Variants in COL26A1 observed in about 807,000 individuals in gnomAD.
COL26A1 encodes the protein collagen type XXVI alpha 1 chain.
Under a neutral mutation model 59.3 loss-of-function variants are expected in COL26A1, and 41 were observed. That is an observed-to-expected ratio of 0.69 (90% CI 0.54 to 0.90). The LOEUF is 0.90. COL26A1 is among the 40% of genes least tolerant of loss of function. COL26A1 has a pLI of 0.00. For synonymous variants in COL26A1, 266 were observed against 256.0 expected, an observed-to-expected ratio of 1.04 and a Z score of -0.37; for missense variants, 612 against 602.3, an observed-to-expected ratio of 1.02 and a Z score of -0.17.
At chr7:101,505,430 A>G (rs573828195) in intron 3 of COL26A1, among the ~76,000 whole-genome samples, 1 of 151,488 alleles carries the variant, frequency 6.6e-6, no homozygotes, top group South Asian at 2.1e-4. Context: ...TTGTGTGTAC[A>G]TGAGTATGTG....
chr7:101,483,119 G>A (rs2130497693), intron 3 of COL26A1, among the ~76,000 whole-genome samples: 1 of 152,202 alleles, frequency 6.6e-6, no homozygotes, highest in East Asian at 1.9e-4. Context: ...TAAGGGAGCA[G>A]GGAAATGTAG....
At chr7:101,528,129 C>A (rs976588461) in intron 3 of COL26A1, among the ~76,000 whole-genome samples, 5 of 152,080 alleles carry the variant, frequency 3.3e-5, no homozygotes, top group Non-Finnish European at 1.5e-5. Context: ...GGGAGCTGGA[C>A]CCACCCCACA....
chr7:101,467,312 A>ATCAAGACCATCCTGGCTAACACG (rs1554416783), intron 3 of COL26A1, among the ~76,000 whole-genome samples: 3 of 135,896 alleles, frequency 2.2e-5, no homozygotes, highest in Admixed American at 8.2e-5. Context: ...CTGCAGATAG[A>ATCAAGACCATCCTGGCTAACACG]GAGGGGCTGC....
rs1208349056 is a variant in COL26A1 at position 101,387,769 on chromosome 7, TA to T, written c.158+24580del. On this transcript the variant is annotated intron_variant, in intron 1 of 12. Transcript: ENST00000313669. ...ATATATATATTTATATATATATATA[TA>T]TATATATATTTTTTTTTAAGACAGA... 3.7e-3 allele frequency among the ~76,000 whole-genome samples: 181 copies of T among 49,186 alleles called. 2 individuals carry two copies. Among genetic ancestry groups the T allele is most frequent in the African/African-American group, 7.0e-3 (130 of 18,482 alleles). 32.3% of individuals were successfully genotyped at this position (49,186 alleles called of 152,430 possible).
chr7:101,443,606 G>C (rs1385813444), intron 2 of COL26A1, among the ~76,000 whole-genome samples: 1 of 152,176 alleles, frequency 6.6e-6, no homozygotes, highest in East Asian at 1.9e-4. Flanking sequence ...GTGCAAACTT[G>C]ATCAAGCAGC....
At chr7:101,369,014 G>A (rs752332752) in intron 1 of COL26A1, among the ~76,000 whole-genome samples, 15 of 151,954 alleles carry the variant, frequency 9.9e-5, no homozygotes, top group African/African-American at 1.2e-4. Flanking sequence ...GTTTGTGTCT[G>A]TATCCTCCTC....
intron 1 of COL26A1, among the ~76,000 whole-genome samples, chr7:101,415,002 A>G (rs2130255443): frequency 6.6e-6 from 1 of 152,342 alleles, no homozygotes; most frequent in South Asian, 2.1e-4. Context: ...TTTCTTTTCC[A>G]TCTGCAAACT....
At chr7:101,374,927 G>T (rs1460667429) in intron 1 of COL26A1, among the ~76,000 whole-genome samples, 1 of 151,934 alleles carries the variant, frequency 6.6e-6, no homozygotes, top group African/African-American at 2.4e-5. Context: ...CAGGTGTGTT[G>T]GCGGGCACCT....
At chr7:101,516,838 A>T (rs1273627544) in intron 3 of COL26A1, among the ~76,000 whole-genome samples, 1 of 152,192 alleles carries the variant, frequency 6.6e-6, no homozygotes, top group Non-Finnish European at 1.5e-5. Context: ...TGTTGTTCGA[A>T]GGCATTTTAA....
At chr7:101,542,150 A>G (rs1016029972) in intron 5 of COL26A1, among the ~76,000 whole-genome samples, 2 of 151,926 alleles carry the variant, frequency 1.3e-5, no homozygotes, top group African/African-American at 4.8e-5. Flanking sequence ...CATTTTTAAT[A>G]CAGAAGGGGT....
chr7:101,401,614 AGAG>A (rs1185697538), intron 1 of COL26A1, among the ~76,000 whole-genome samples: 7 of 147,918 alleles, frequency 4.7e-5, no homozygotes, highest in South Asian at 4.4e-4. Flanking sequence ...AGGAGGAAGA[AGAG>A]GAAAAGGAGG....
chr7:101,381,417 C>T (rs1484756533), intron 1 of COL26A1, among the ~76,000 whole-genome samples: 1 of 152,142 alleles, frequency 6.6e-6, no homozygotes, highest in Non-Finnish European at 1.5e-5. Context: ...ATTTAATCAT[C>T]AAGTCCCTTT....
intron 1 of COL26A1, among the ~76,000 whole-genome samples, chr7:101,385,932 C>T (rs1484096070): frequency 6.6e-6 from 1 of 151,374 alleles, no homozygotes; most frequent in Non-Finnish European, 1.5e-5. Context: ...AGGATGGTCT[C>T]GATCTCCTGA....
chr7:101,401,572 GGAGGAGGAA>G (rs1234267862), intron 1 of COL26A1, among the ~76,000 whole-genome samples: 2 of 137,912 alleles, frequency 1.5e-5, no homozygotes, highest in African/African-American at 2.7e-5. Flanking sequence ...AAGAGAAAGA[GGAGGAGGAA>G]AAGGAGGAGG....
chr7:101,516,161 CTT>C (rs1795024265), intron 3 of COL26A1, among the ~76,000 whole-genome samples: 2 of 152,212 alleles, frequency 1.3e-5, no homozygotes, highest in South Asian at 4.1e-4. Flanking sequence ...ATCCAGATAT[CTT>C]TTCTAATCTG....
chr7:101,362,675 C>T (rs905480009), upstream of COL26A1: 5 of 357,080 alleles, frequency 1.4e-5, no homozygotes, highest in Non-Finnish European at 2.0e-5. Context: ...AGGTGTGTAG[C>T]GGGGGCCTGG....
chr7:101,405,882 G>A (rs1361025272), intron 1 of COL26A1, among the ~76,000 whole-genome samples: 1 of 152,246 alleles, frequency 6.6e-6, no homozygotes, highest in Non-Finnish European at 1.5e-5. Context: ...AGGAGCCGAT[G>A]CTGCCTGTGG....
At chr7:101,396,146 A>G (rs544580191) in intron 1 of COL26A1, among the ~76,000 whole-genome samples, 1 of 152,100 alleles carries the variant, frequency 6.6e-6, no homozygotes, top group Non-Finnish European at 1.5e-5. Flanking sequence ...GAGTGCCTAT[A>G]GTCCCAGCTA....
chr7:101,473,957 G>A (rs1793974508), intron 3 of COL26A1, among the ~76,000 whole-genome samples: 3 of 152,166 alleles, frequency 2.0e-5, no homozygotes, highest in African/African-American at 2.4e-5. Context: ...CCAGAGTGTT[G>A]GAAATATCCT....
Sources: gnomAD v4.1 joint callset for allele counts (sites outside exome capture counted in the v4.1 genomes callset) on GRCh38, gnomAD v4.1.1 for gene constraint, MANE v1.5 for transcripts, NCBI Gene and HGNC (gene_info 2026-07-23, HGNC 2026-07-21) for gene names.